The following E2F8 variants were observed in gnomAD, a reference collection of about 807,000 sequenced individuals.
E2F8 encodes the protein transcription factor E2F8.
In E2F8, 35 loss-of-function variants were observed where a neutral mutation model predicts 80.8. The observed-to-expected ratio is 0.43, with a 90% confidence interval of 0.33 to 0.57. E2F8 has a LOEUF of 0.57. Among genes scored for constraint, E2F8 ranks in the 20% least tolerant of loss-of-function variants. The pLI is 0.04. For missense variants in E2F8, 975 were observed against 1,056.2 expected (o/e 0.92, Z 1.07); for synonymous variants, 386 against 395.0 (o/e 0.98, Z 0.27).
At position 19,238,054 on chromosome 11, in the gene E2F8, A is replaced by C; in HGVS notation, c.94T>G (p.Leu32Val). The change falls in exon 3 of 13, where the codon TTG becomes GTG. Residue 32 changes from leucine to valine, a missense_variant. By Grantham distance (32) the Leu-to-Val change is conservative (BLOSUM62 1). Transcript: ENST00000250024. Reference protein sequence around the residue: ...LKESTTANIVLAEIQPDFGPL... With the variant: ...LKESTTANIVVAEIQPDFGPL... ...CCAAAGTCAGGCTGGATCTCTGCCA[A>C]CACGATATTTGCTGTGGTGGATTCT... is the stretch of plus-strand genomic sequence containing the variant. 9.3e-6 allele frequency: 15 copies of C among 1,614,208 alleles called. No homozygotes were observed. The highest frequency in any genetic ancestry group is 1.3e-5 in the Non-Finnish European group (15 of 1,180,042).
At chr11:19,228,010 T>C (rs913258191) in intron 10 of E2F8, among the ~76,000 whole-genome samples, 6 of 152,174 alleles carry the variant, frequency 3.9e-5, no homozygotes, top group African/African-American at 1.4e-4. Context: ...ACTTAAGCCT[T>C]GGAGGTCGAG....
At chr11:19,230,537 T>C (rs1205570796) in intron 8 of E2F8, 94 bp downstream of exon 8, 1 of 1,409,610 alleles carries the variant, frequency 7.1e-7, no homozygotes, top group African/African-American at 1.4e-5. Context: ...ATTGAAATAA[T>C]TCTCTGACAA....
At position 19,237,493 on chromosome 11, in the gene E2F8, T is replaced by G. The variant is rs1851549340; in HGVS notation, c.295-23A>C. 3.7e-6 allele frequency: 6 copies of G among 1,604,160 alleles called. No homozygotes were observed. In the South Asian group the frequency reaches 5.6e-5, roughly 15 times the overall value. ...TTCCTACAAAGGAAAAGGTAAACAA[T>G]GTCTTATTCTAAAATAAAGTCTGAC... On this transcript the variant is annotated intron_variant, in intron 3 of 12. Coordinates refer to ENST00000250024, the MANE Select transcript of E2F8 (RefSeq NM_024680.4).
At position 19,229,956 on chromosome 11, in the gene E2F8, G is replaced by A; in HGVS notation, c.1391C>T (p.Ala464Val). ...TACTGGTTTGCAGGGTCCAGATCTT[G>A]CCAGCTGTACTTTCACTTTCTGTCT... is the stretch of plus-strand genomic sequence containing the variant. ...ESRQKVKVQLARSGPCKPVAP... is the reference protein window; with the variant it reads ...ESRQKVKVQLVRSGPCKPVAP... Residue 464 changes from alanine to valine, a missense_variant, in exon 10 of 13, where the codon GCA (alanine) becomes GTA (valine). Physicochemically the swap from Ala to Val is moderately conservative, Grantham distance 64 (BLOSUM62 0). Coordinates refer to ENST00000250024, the MANE Select transcript of E2F8 (RefSeq NM_024680.4). This position sits in a 1 kb window ranked among gnomAD's most constrained non-coding sequence, Gnocchi z 4.3. 1 of 1,613,810 alleles carries A rather than the reference G, an allele frequency of 6.2e-7. No homozygotes were observed. The highest frequency in any genetic ancestry group is 8.5e-7 in the Non-Finnish European group (1 of 1,179,956).
At chr11:19,237,240 G>T in intron 4 of E2F8, 74 bp downstream of exon 4, 1 of 1,393,056 alleles carries the variant, frequency 7.2e-7, no homozygotes, top group East Asian at 2.3e-5. Flanking sequence ...CTAGATGAGC[G>T]GGGGTCTGAA....
intron 6 of E2F8, among the ~76,000 whole-genome samples, chr11:19,233,277 C>T (rs1851426459): frequency 6.6e-6 from 1 of 152,126 alleles, no homozygotes; most frequent in African/African-American, 2.4e-5. Flanking sequence ...GTTAGGAATC[C>T]AATCTACAGT....
At chr11:19,234,177 A>G (rs1590128188) in intron 6 of E2F8, among the ~76,000 whole-genome samples, 183 bp downstream of exon 6, 1 of 150,486 alleles carries the variant, frequency 6.6e-6, no homozygotes, top group South Asian at 2.1e-4. Context: ...GAGTAGTGAT[A>G]CTTATGTATC....
chr11:19,225,416 T>C lies in E2F8; in HGVS notation c.2226A>G (p.Gly742=). 1.2e-6 allele frequency: 2 copies of C among 1,614,094 alleles called. No homozygotes were observed. Among genetic ancestry groups the C allele is most frequent in the Non-Finnish European group, 1.7e-6 (2 of 1,180,016 alleles). ...ACAACTGCACATTGGGTGAGATGAG[T>C]CCCAGGTGCTGCAGGGTGAAGTTTA... ...AIVNFTLQHL[G]LISPNVQLSA... The change falls in exon 12 of 13, where the codon GGA becomes GGG. Residue 742 remains glycine, a synonymous_variant. Coordinates refer to ENST00000250024, the MANE Select transcript of E2F8 (RefSeq NM_024680.4).
intron 6 of E2F8, 51 bp downstream of exon 6, chr11:19,234,309 T>G (rs1258209705): frequency 3.1e-6 from 5 of 1,594,214 alleles, no homozygotes; most frequent in Admixed American, 1.8e-5. Context: ...ACGACTGAGA[T>G]TTTATTGTTT....
At position 19,237,908 on chromosome 11, in the gene E2F8, T is replaced by C; in HGVS notation, c.240A>G (p.Lys80=). 1 of 1,614,092 alleles carries C rather than the reference T, an allele frequency of 6.2e-7. No homozygotes were observed. Among genetic ancestry groups the C allele is most frequent in the African/African-American group, 1.3e-5 (1 of 75,012 alleles). The change falls in exon 3 of 13, where the codon AAA becomes AAG. Residue 80 remains lysine, a synonymous_variant. Transcript: ENST00000250024. ...VSPEIRNRDQ[K]RGLFDNRSGL... ...CACTTCTGTTGTCAAACAAACCCCT[T>C]TTCTGATCTCTGTTGCGGATCTCAG...
Position 19,237,462 on chromosome 11 carries a change from T to C in E2F8, c.303A>G (p.Leu101=), listed in dbSNP as rs146633053. The C allele has an allele frequency of 2.5e-6, 4 of 1,613,164 alleles. No individual in the cohort carries two copies. The highest frequency in any genetic ancestry group is 1.7e-5 in the Admixed American group (1 of 59,726). Residue 101 remains leucine, a synonymous_variant, in exon 4 of 13, where the codon TTA becomes TTG. Transcript: ENST00000250024. ...GGGATTTCTCAAATTCATCTCCAGATAAGTGTTCCTACAAAGGAAAAGGTA... is the reference window on the plus strand; with the variant it reads ...GGGATTTCTCAAATTCATCTCCAGACAAGTGTTCCTACAAAGGAAAAGGTA... ...PEAKDCIHEH[L]SGDEFEKSQP...
At chr11:19,225,970 C>A (rs2133553763) in intron 10 of E2F8, 106 bp from the exon 11 acceptor site, 2 of 1,364,842 alleles carry the variant, frequency 1.5e-6, no homozygotes, top group Non-Finnish European at 1.0e-6. Context: ...CTCATTGGAC[C>A]AAAGCCTCCA....
At chr11:19,234,616 C>G in intron 5 of E2F8, 95 bp from the exon 6 acceptor site, 4 of 1,542,470 alleles carry the variant, frequency 2.6e-6, no homozygotes, top group Non-Finnish European at 3.5e-6. Context: ...CCTGATCATA[C>G]AGCTGACAAC....
chr11:19,232,782 G>A (rs1489658215), intron 6 of E2F8, among the ~76,000 whole-genome samples: 1 of 152,202 alleles, frequency 6.6e-6, no homozygotes, highest in Non-Finnish European at 1.5e-5. Flanking sequence ...GCTTGTAATA[G>A]CTTATAACAA....
In E2F8 at chr11:19,238,068, G is replaced by A. The variant is rs371023193; in HGVS notation, c.80C>T (p.Thr27Ile). ...LMKTPLKEST[T>I]ANIVLAEIQP... is the part of the protein sequence containing the mutation. ...GATCTCTGCCAACACGATATTTGCT[G>A]TGGTGGATTCTTTCAGAGGTGTTTT... Residue 27 changes from threonine (T) to isoleucine (I), a missense_variant, in exon 3 of 13, where the codon ACA (threonine) becomes ATA (isoleucine). By Grantham distance (89) the Thr-to-Ile change is moderately conservative. Transcript: ENST00000250024. 1.2e-6 allele frequency: 2 copies of A among 1,614,096 alleles called. No individual in the cohort carries two copies. The highest frequency in any genetic ancestry group is 1.3e-5 in the African/African-American group (1 of 74,918).
chr11:19,229,460 G>T lies in E2F8; in HGVS notation c.1887C>A (p.Val629=), dbSNP rs746313513. ...AGTTCAAGGCTGTACTTACTGCGGAGACATTTTCAAGTCCTTTTAGGTCCT... is the reference window on the plus strand; with the variant it reads ...AGTTCAAGGCTGTACTTACTGCGGATACATTTTCAAGTCCTTTTAGGTCCT... The part of the protein sequence containing the change: ...FKEDLKGLEN[V]SATLFPSGYL... Residue 629 remains valine, a synonymous_variant, in exon 10 of 13, where the codon GTC becomes GTA. Transcript: ENST00000250024. The surrounding 1 kb of genome is among the most constrained non-coding windows in gnomAD (Gnocchi z 4.3). 3 of 1,612,628 alleles carry T rather than the reference G, an allele frequency of 1.9e-6. No individual in the cohort carries two copies. Among genetic ancestry groups the T allele is most frequent in the Admixed American group, 1.7e-5 (1 of 59,822 alleles).
chr11:19,232,233 C>T lies in E2F8; in HGVS notation c.1066+1G>A, dbSNP rs1480907363. 2 of 1,611,634 alleles carry T rather than the reference C, an allele frequency of 1.2e-6. No individual in the cohort carries two copies. The highest frequency in any genetic ancestry group is 1.7e-6 in the Non-Finnish European group (2 of 1,179,394). ...AGAGGGTGAAAGAAAAAAATACATACCACTGGTATTTGGACTGATTTCTGG... is the reference window on the plus strand; with the variant it reads ...AGAGGGTGAAAGAAAAAAATACATATCACTGGTATTTGGACTGATTTCTGG... On this transcript the variant is annotated splice_donor_variant, in intron 7 of 12. Coordinates refer to ENST00000250024, the MANE Select transcript of E2F8 (RefSeq NM_024680.4). LOFTEE classifies it high-confidence loss of function.
At position 19,230,811 on chromosome 11, in the gene E2F8, T is replaced by G; in HGVS notation, c.1090A>C (p.Thr364Pro). The G allele has an allele frequency of 6.2e-7, 1 of 1,613,960 alleles. No individual in the cohort carries two copies. Residue 364 changes from threonine (T) to proline (P), a missense_variant, in exon 8 of 13, where the codon ACT becomes CCT. Transcript: ENST00000250024. ...CGTCTCACCTCCAAATCAGAGGGAG[T>G]AAAATGAATGACTGGGCTGGAGCCT... is the stretch of plus-strand genomic sequence containing the variant. ...TSGSSPVIHFTPSDLEVRRSS... is the reference protein window; with the variant it reads ...TSGSSPVIHFPPSDLEVRRSS...
intron 4 of E2F8, among the ~76,000 whole-genome samples, chr11:19,236,692 G>A (rs965848011): frequency 3.9e-5 from 6 of 152,202 alleles, no homozygotes; most frequent in African/African-American, 1.4e-4. Flanking sequence ...GTATTAAAAT[G>A]TATTATCTTG....
Sources: allele counts gnomAD v4.1 joint callset (sites outside exome capture counted in the v4.1 genomes callset), GRCh38; gene constraint gnomAD v4.1.1; non-coding constraint Gnocchi (gnomAD v3.1); transcripts MANE v1.5; gene names NCBI Gene and HGNC (gene_info 2026-07-23, HGNC 2026-07-21).